TBC1D2: variants seen among roughly 807,000 people sequenced by gnomAD.
TBC1D2 encodes the protein TBC1 domain family member 2A.
In TBC1D2, 58 loss-of-function variants were observed where a neutral mutation model predicts 91.1. The observed-to-expected ratio is 0.64, with a 90% confidence interval of 0.52 to 0.79. The LOEUF is 0.79. Among genes scored for constraint, TBC1D2 ranks in the 30% least tolerant of loss-of-function variants. TBC1D2 has a pLI of 0.00. For missense variants in TBC1D2, 1,080 were observed against 1,208.3 expected (o/e 0.89, Z 1.57); for synonymous variants, 482 against 511.5 (o/e 0.94, Z 0.78).
At chr9:98,214,974 A>G (rs893921451) in intron 6 of TBC1D2, among the ~76,000 whole-genome samples, 1 of 151,962 alleles carries the variant, frequency 6.6e-6, no homozygotes, top group African/African-American at 2.4e-5. Context: ...CTGTGCATCC[A>G]CTCAGCTTGC....
chr9:98,245,825 G>C (rs1216302534), intron 2 of TBC1D2, among the ~76,000 whole-genome samples: 1 of 152,100 alleles, frequency 6.6e-6, no homozygotes, highest in Non-Finnish European at 1.5e-5. Flanking sequence ...GCAAATATTA[G>C]GGTCACACTA....
chr9:98,202,135 G>A (rs905004926), intron 10 of TBC1D2, among the ~76,000 whole-genome samples: 19 of 152,202 alleles, frequency 1.2e-4, no homozygotes, highest in Non-Finnish European at 1.6e-4. Context: ...GATGCTAGGC[G>A]GATGTCTGGT....
intron 4 of TBC1D2, among the ~76,000 whole-genome samples, chr9:98,229,904 C>T (rs1437132823): frequency 2.0e-5 from 3 of 152,242 alleles, no homozygotes; most frequent in African/African-American, 7.2e-5. Context: ...GTGCTTAAAA[C>T]AGAAACCCTA....
chr9:98,232,340 C>CTTTTTT (rs1554754378), intron 4 of TBC1D2, among the ~76,000 whole-genome samples: 1 of 52,050 alleles, frequency 1.9e-5, no homozygotes, highest in Non-Finnish European at 3.4e-5. Context: ...TTCTCTTTTT[C>CTTTTTT]TGTTTTTTTT....
chr9:98,214,966 G>A (rs575625015), intron 6 of TBC1D2, among the ~76,000 whole-genome samples: 4 of 152,186 alleles, frequency 2.6e-5, no homozygotes, highest in Non-Finnish European at 5.9e-5. Context: ...CTGAAAGGCT[G>A]TGCATCCACT....
intron 6 of TBC1D2, among the ~76,000 whole-genome samples, chr9:98,219,832 T>C (rs1311504734): frequency 6.6e-6 from 1 of 152,200 alleles, no homozygotes; most frequent in African/African-American, 2.4e-5. Flanking sequence ...ACTGTACATA[T>C]GTGGTTGTGA....
At chr9:98,241,912 TC>T (rs1479280637) in intron 3 of TBC1D2, among the ~76,000 whole-genome samples, 5 of 152,090 alleles carry the variant, frequency 3.3e-5, no homozygotes, top group South Asian at 2.1e-4. Flanking sequence ...GTGGGGGAGC[TC>T]TACCTCCAGC....
At chr9:98,203,521 C>T in intron 9 of TBC1D2, 113 bp from the exon 10 acceptor site, 1 of 1,444,812 alleles carries the variant, frequency 6.9e-7, no homozygotes, top group Non-Finnish European at 9.3e-7. Flanking sequence ...ATGTGAGCAT[C>T]AGTGCAATCC....
rs1487490978 is a variant in TBC1D2 at position 98,220,984 on chromosome 9, A to G, written c.1223T>C (p.Met408Thr). Residue 408 changes from methionine to threonine, a missense_variant, in exon 6 of 13, where the codon ATG (methionine) becomes ACG (threonine). Physicochemically the swap from Met to Thr is moderately conservative, Grantham distance 81. Coordinates refer to ENST00000465784, the MANE Select transcript of TBC1D2 (RefSeq NM_001267571.2). Reference protein sequence around the residue: ...QELQQHVQLLMDKNHAKQQVI... With the variant: ...QELQQHVQLLTDKNHAKQQVI... ...CTGCTGCTTGGCGTGGTTCTTGTCCATAAGCAGCTGCACGTGCTGCTGTAG... is the reference window on the plus strand; with the variant it reads ...CTGCTGCTTGGCGTGGTTCTTGTCCGTAAGCAGCTGCACGTGCTGCTGTAG... 1 of 1,614,208 alleles carries G rather than the reference A, an allele frequency of 6.2e-7. No individual in the cohort carries two copies. Among genetic ancestry groups the G allele is most frequent in the Admixed American group, 1.7e-5 (1 of 60,028 alleles).
intron 2 of TBC1D2, among the ~76,000 whole-genome samples, chr9:98,248,529 G>C (rs1163505261): frequency 6.6e-6 from 1 of 152,246 alleles, no homozygotes; most frequent in Non-Finnish European, 1.5e-5. Context: ...CTGGACGAGT[G>C]CCTGGCTGCC....
intron 3 of TBC1D2, among the ~76,000 whole-genome samples, chr9:98,241,240 GC>G (rs1829629089): frequency 6.6e-6 from 1 of 152,236 alleles, no homozygotes; most frequent in Non-Finnish European, 1.5e-5. Flanking sequence ...GTGGGGCTGA[GC>G]AGCCCTGGAT....
chr9:98,215,849 G>A (rs970490899), intron 6 of TBC1D2, among the ~76,000 whole-genome samples: 5 of 152,064 alleles, frequency 3.3e-5, no homozygotes, highest in Middle Eastern at 3.2e-3. Flanking sequence ...ACTTCCTGCC[G>A]GGCACCATCT....
At chr9:98,238,511 T>A (rs1374809887) in intron 3 of TBC1D2, among the ~76,000 whole-genome samples, 2 of 136,966 alleles carry the variant, frequency 1.5e-5, no homozygotes, top group Non-Finnish European at 3.0e-5. Flanking sequence ...TAAACAAATA[T>A]CATGTCAACT....
intron 9 of TBC1D2, 117 bp from the exon 10 acceptor site, chr9:98,203,525 G>A (rs1020663451): frequency 1.4e-6 from 2 of 1,424,986 alleles, no homozygotes; most frequent in East Asian, 2.3e-5. Flanking sequence ...GAGCATCAGT[G>A]CAATCCCACT....
At chr9:98,214,572 A>T (rs1828924142) in intron 6 of TBC1D2, among the ~76,000 whole-genome samples, 1 of 143,402 alleles carries the variant, frequency 7.0e-6, no homozygotes, top group Admixed American at 6.9e-5. Flanking sequence ...GAAGAACATC[A>T]CATGTGCAAG....
chr9:98,253,838 G>A (rs566815813), intron 1 of TBC1D2, among the ~76,000 whole-genome samples: 7 of 152,234 alleles, frequency 4.6e-5, no homozygotes, highest in African/African-American at 1.7e-4. Flanking sequence ...TTCTCCCTCA[G>A]TCTCTCCCAC....
chr9:98,213,007 G>A, intron 7 of TBC1D2, 101 bp downstream of exon 7: 1 of 1,314,832 alleles, frequency 7.6e-7, no homozygotes, highest in Non-Finnish European at 1.1e-6. Context: ...CAGAGGGAGA[G>A]GGGCAGACAG....
chr9:98,218,666 G>C (rs538970177), intron 6 of TBC1D2, among the ~76,000 whole-genome samples: 21 of 152,204 alleles, frequency 1.4e-4, no homozygotes, highest in Non-Finnish European at 2.8e-4. Flanking sequence ...CTCTCAGGCT[G>C]TCTGGAGCCA....
intron 9 of TBC1D2, among the ~76,000 whole-genome samples, chr9:98,205,762 C>T (rs1828634380): frequency 6.6e-6 from 1 of 151,928 alleles, no homozygotes; most frequent in Non-Finnish European, 1.5e-5. Context: ...AGGGCTTTGC[C>T]ATGTTGTCCA....
Sources: allele counts gnomAD v4.1 joint callset (sites outside exome capture counted in the v4.1 genomes callset), GRCh38; gene constraint gnomAD v4.1.1; transcripts MANE v1.5; gene names NCBI Gene and HGNC (gene_info 2026-07-23, HGNC 2026-07-21).